The following UBA2 variants were observed in gnomAD, a reference collection of about 807,000 sequenced individuals.
The protein encoded by UBA2 is SUMO-activating enzyme subunit 2.
In UBA2, 11 loss-of-function variants were observed where a neutral mutation model predicts 77.2. The observed-to-expected ratio is 0.14, with a 90% confidence interval of 0.09 to 0.24. The LOEUF (loss-of-function observed/expected upper bound fraction) is 0.24. Ranked by LOEUF, UBA2 falls within the 10% of genes least tolerant of loss-of-function variation. The probability of loss-of-function intolerance (pLI) is 1.00; values close to 1 mark genes in which losing one functional copy is unlikely to be tolerated. For synonymous variants in UBA2, 278 were observed against 276.7 expected (o/e 1.00, Z -0.05); for missense variants, 487 against 781.7 (o/e 0.62, Z 4.50).
At chr19:34,456,491 CTTGA>C (rs1313174594) in intron 12 of UBA2, among the ~76,000 whole-genome samples, 2 of 152,038 alleles carry the variant, frequency 1.3e-5, no homozygotes, top group African/African-American at 4.8e-5. Context: ...AGTCTGCCAT[CTTGA>C]TTTAGTTTTC....
At chr19:34,431,655 G>C (rs527700701) in intron 2 of UBA2, among the ~76,000 whole-genome samples, 2 of 151,882 alleles carry the variant, frequency 1.3e-5, no homozygotes, top group Admixed American at 6.6e-5. Flanking sequence ...GGTCAGGGGG[G>C]GCTCTCCGGT....
chr19:34,452,192 T>G (rs775985439), intron 10 of UBA2, 45 bp downstream of exon 10: 10 of 1,461,020 alleles, frequency 6.8e-6, no homozygotes, highest in African/African-American at 1.4e-5. Context: ...GTCAAAAGTG[T>G]GTTTTAGTTC....
chr19:34,469,681 C>G lies in UBA2; in HGVS notation c.*460C>G, dbSNP rs1160392725. On this transcript the variant is annotated 3_prime_UTR_variant, in exon 17 of 17. Transcript: ENST00000246548. Reference sequence around the variant, plus strand: ...AAGTATCGAGTGCTATGCATTGAAACTTGTTTTTAAATGTTAGATGGCACT... The same window carrying G: ...AAGTATCGAGTGCTATGCATTGAAAGTTGTTTTTAAATGTTAGATGGCACT... 2.6e-5 allele frequency: 4 copies of G among 152,584 alleles called. No homozygotes were observed. Among genetic ancestry groups the G allele is most frequent in the African/African-American group, 9.7e-5 (4 of 41,414 alleles). 9.5% of individuals were successfully genotyped at this position (152,584 alleles called of 1,614,324 possible). A position where few individuals can be genotyped will look rare whatever the true frequency, so the allele number is the denominator to read the frequency against.
chr19:34,464,012 T>G lies in UBA2; in HGVS notation c.1499-14T>G. 6.3e-7 allele frequency: 1 copy of G among 1,579,076 alleles called. No individual in the cohort carries two copies. On this transcript the variant is annotated splice_polypyrimidine_tract_variant and intron_variant, in intron 14 of 16. Coordinates refer to ENST00000246548, the MANE Select transcript of UBA2 (RefSeq NM_005499.3). ...AGATGTAACTGAAGTATCTAAATTATTCACGTTTCCTAGCTAATAATCACA... is the reference window on the plus strand; with the variant it reads ...AGATGTAACTGAAGTATCTAAATTAGTCACGTTTCCTAGCTAATAATCACA...
intron 2 of UBA2, among the ~76,000 whole-genome samples, chr19:34,431,558 G>C (rs577485125): frequency 3.3e-5 from 5 of 152,260 alleles, no homozygotes; most frequent in Admixed American, 2.6e-4. Flanking sequence ...TACTTGTTAA[G>C]TGAATGAATG....
chr19:34,440,030 A>G (rs2075351602), intron 6 of UBA2, among the ~76,000 whole-genome samples: 2 of 152,016 alleles, frequency 1.3e-5, no homozygotes, highest in South Asian at 4.2e-4. Context: ...ACATTTTTAA[A>G]AACTTACTAA....
rs933876034 is a variant in UBA2, at chr19:34,463,597, T to C, written c.1499-429T>C. On this transcript the variant is annotated intron_variant, in intron 14 of 16. Transcript: ENST00000246548. ...TGGGATTGATTGATTGATTGATTGA[T>C]TGACTGGAGACAGAGTCCTAAAAAT... 3.0e-5 allele frequency among the ~76,000 whole-genome samples: 4 copies of C among 132,466 alleles called. No homozygotes were observed. The East Asian group carries it at 6.7e-4, about 22-fold the overall frequency. 86.9% of individuals were successfully genotyped at this position (132,466 alleles called of 152,430 possible).
chr19:34,428,531 C>G lies in UBA2; in HGVS notation c.99C>G (p.Leu33=). 3 of 1,306,708 alleles carry G rather than the reference C, an allele frequency of 2.3e-6. No individual in the cohort carries two copies. The highest frequency in any genetic ancestry group is 2.9e-6 in the Non-Finnish European group (3 of 1,019,682). 80.9% of individuals were successfully genotyped at this position (1,306,708 alleles called of 1,614,324 possible). A position where few individuals can be genotyped will look rare whatever the true frequency, so the allele number is the denominator to read the frequency against. The change falls in exon 1 of 17, where the codon CTC becomes CTG. Residue 33 remains leucine, a synonymous_variant. Coordinates refer to ENST00000246548, the MANE Select transcript of UBA2 (RefSeq NM_005499.3). ...VGAGGIGCEL[L]KNLVLTGFSH... is the part of the protein sequence containing the mutation. ...CGGGCGGCATCGGCTGCGAGCTCCTCAAGAATCTCGTGCTCACCGGTTTCT... is the reference window on the plus strand; with the variant it reads ...CGGGCGGCATCGGCTGCGAGCTCCTGAAGAATCTCGTGCTCACCGGTTTCT...
rs770460593 is a variant in UBA2 at position 34,458,900 on chromosome 19, G to C, written c.1377G>C (p.Val459=). 6.2e-7 allele frequency: 1 copy of C among 1,613,946 alleles called. No homozygotes were observed. Among genetic ancestry groups the C allele is most frequent in the Non-Finnish European group, 8.5e-7 (1 of 1,179,940 alleles). ...EVTVRLNVHK[V]TVLTLQDKIV... ...CTGTGCGGCTGAATGTCCATAAAGT[G>C]ACTGTTCTCACCTTACAAGACAAGG... Residue 459 remains valine, a synonymous_variant, in exon 13 of 17, where the codon GTG becomes GTC. Coordinates refer to ENST00000246548, the MANE Select transcript of UBA2 (RefSeq NM_005499.3).
chr19:34,430,305 C>A (rs1195648434), intron 1 of UBA2: 1 of 315,994 alleles, frequency 3.2e-6, no homozygotes, highest in African/African-American at 2.1e-5. Context: ...CAGGGAGTTT[C>A]CTGAAATATT....
chr19:34,442,530 T>G (rs1407960390), intron 6 of UBA2, among the ~76,000 whole-genome samples: 1 of 152,162 alleles, frequency 6.6e-6, no homozygotes, highest in Non-Finnish European at 1.5e-5. Context: ...CCTCCTGGGT[T>G]CAAGCGATTC....
At chr19:34,435,268 G>A (rs985054189) in intron 5 of UBA2, among the ~76,000 whole-genome samples, 12 of 152,044 alleles carry the variant, frequency 7.9e-5, no homozygotes, top group Admixed American at 3.3e-4. Context: ...CATGGTGGCC[G>A]GCGCCTGTAA....
chr19:34,460,270 G>C (rs2075616395), intron 13 of UBA2, among the ~76,000 whole-genome samples, 200 bp from the exon 14 acceptor site: 1 of 152,166 alleles, frequency 6.6e-6, no homozygotes, highest in Non-Finnish European at 1.5e-5. Context: ...GATCTGATCT[G>C]CATCAGTGGT....
chr19:34,442,675 C>T (rs2075383493), intron 6 of UBA2, among the ~76,000 whole-genome samples: 1 of 152,130 alleles, frequency 6.6e-6, no homozygotes, highest in South Asian at 2.1e-4. Context: ...GGTTGATCCA[C>T]CCGCCTCGGC....
At chr19:34,450,742 C>CTTTTTTTTTTTTTTTTTTTTT (rs59580124) in intron 9 of UBA2, among the ~76,000 whole-genome samples, 3 of 83,402 alleles carry the variant, frequency 3.6e-5, no homozygotes, top group Non-Finnish European at 6.4e-5. Flanking sequence ...TTATGTATAT[C>CTTTTTTTTTTTTTTTTTTTTT]TTTTTTTTTT....
chr19:34,434,707 C>T (rs1029697222), intron 4 of UBA2, among the ~76,000 whole-genome samples, 161 bp from the exon 5 acceptor site: 3 of 152,120 alleles, frequency 2.0e-5, no homozygotes, highest in Admixed American at 6.6e-5. Context: ...GTGAATGTCT[C>T]TTAAATGTCT....
At chr19:34,451,607 G>A (rs2075498927) in intron 9 of UBA2, among the ~76,000 whole-genome samples, 1 of 140,704 alleles carries the variant, frequency 7.1e-6, no homozygotes, top group Non-Finnish European at 1.5e-5. Flanking sequence ...GAGTGCAGTG[G>A]CGCGATCTTG....
At chr19:34,432,782 C>G (rs142533716) in intron 3 of UBA2, among the ~76,000 whole-genome samples, 5,419 of 152,154 alleles carry the variant, frequency 0.036, 158 homozygotes, top group South Asian at 0.13. Context: ...CTCAAACTCC[C>G]GACCTCAGGT....
At chr19:34,444,915 C>T in intron 7 of UBA2, 85 bp from the exon 8 acceptor site, 1 of 1,419,610 alleles carries the variant, frequency 7.0e-7, no homozygotes. Flanking sequence ...CCATGAGTGA[C>T]TTTCTTTTTA....
Sources: gnomAD v4.1 joint callset for allele counts (sites outside exome capture counted in the v4.1 genomes callset) on GRCh38, gnomAD v4.1.1 for gene constraint, MANE v1.5 for transcripts, NCBI Gene and HGNC (gene_info 2026-07-23, HGNC 2026-07-21) for gene names.